The following PRMT9 variants were observed in gnomAD, a reference collection of about 807,000 sequenced individuals.
PRMT9 encodes protein arginine methyltransferase 9.
A neutral mutation model predicts 83.2 loss-of-function variants in PRMT9; 59 were observed. The observed-to-expected ratio is 0.71, with a 90% CI of 0.57 to 0.88. The LOEUF is 0.88. PRMT9 is among the 40% of genes least tolerant of loss of function. PRMT9 has a pLI of 0.00. For synonymous variants in PRMT9, 333 were observed against 353.2 expected (o/e 0.94, Z 0.64); for missense variants, 947 against 1,021.9 (o/e 0.93, Z 1.00).
chr4:147,673,209 G>T, intron 3 of PRMT9, 83 bp from the exon 4 acceptor site: 1 of 1,294,850 alleles, frequency 7.7e-7, no homozygotes, highest in Non-Finnish European at 1.1e-6. Context: ...ATGCTAAAAT[G>T]TGGGGTTTTT....
chr4:147,669,914 C>T (rs536709554), intron 5 of PRMT9, among the ~76,000 whole-genome samples: 9 of 152,272 alleles, frequency 5.9e-5, no homozygotes, highest in African/African-American at 2.2e-4. Context: ...CTGGGTTCAA[C>T]AGGTACCTGA....
intron 1 of PRMT9, among the ~76,000 whole-genome samples, chr4:147,681,401 A>T (rs1736459622): frequency 6.6e-6 from 1 of 152,216 alleles, no homozygotes; most frequent in African/African-American, 2.4e-5. Context: ...TTAGTCATTA[A>T]AACATTTTAA....
chr4:147,640,809 C>T (rs1463491295), intron 10 of PRMT9, among the ~76,000 whole-genome samples: 1 of 152,196 alleles, frequency 6.6e-6, no homozygotes, highest in Non-Finnish European at 1.5e-5. Flanking sequence ...GCAGCCTCAG[C>T]CTCTTGAGCT....
chr4:147,659,264 G>A (rs1374987484), intron 7 of PRMT9, among the ~76,000 whole-genome samples: 1 of 151,692 alleles, frequency 6.6e-6, no homozygotes, highest in Admixed American at 6.6e-5. Flanking sequence ...AGCCGCTCAT[G>A]GTGGTGGGTG....
intron 10 of PRMT9, among the ~76,000 whole-genome samples, chr4:147,642,549 T>C (rs1393087222): frequency 6.6e-6 from 1 of 152,168 alleles, no homozygotes; most frequent in African/African-American, 2.4e-5. Flanking sequence ...CAAATATCTA[T>C]AAACTTTTAT....
Position 147,673,498 on chromosome 4 carries a change from AC to A in PRMT9, c.575+139del, listed in dbSNP as rs57507658. On this transcript the variant is annotated intron_variant, in intron 3 of 11. Coordinates refer to ENST00000322396, the MANE Select transcript of PRMT9 (RefSeq NM_138364.4). ...TTCTTGATAAAAGTTATAGTAAAAA[AC>A]ATAATAGTTACATAAATAACCCTAA... 8.4e-4 allele frequency: 587 copies of A among 698,184 alleles called. 4 individuals are homozygous for A. In the African/African-American group the frequency reaches 9.6e-3, roughly 11 times the overall value. 43.2% of individuals were successfully genotyped at this position (698,184 alleles called of 1,614,324 possible).
At chr4:147,681,782 A>G (rs1396523512) in intron 1 of PRMT9, among the ~76,000 whole-genome samples, 1 of 32,510 alleles carries the variant, frequency 3.1e-5, no homozygotes, top group Non-Finnish European at 1.2e-4. Context: ...GTGAGACTCT[A>G]TAAAAAAAAA....
intron 9 of PRMT9, among the ~76,000 whole-genome samples, chr4:147,653,205 TG>T (rs975353382): frequency 6.6e-6 from 1 of 152,100 alleles, no homozygotes; most frequent in African/African-American, 2.4e-5. Context: ...CCCAGCACTT[TG>T]GGAGGTCAAG....
intron 1 of PRMT9, among the ~76,000 whole-genome samples, 181 bp downstream of exon 1, chr4:147,683,613 TTTTTC>T (rs939242999): frequency 3.3e-5 from 5 of 150,614 alleles, no homozygotes; most frequent in Non-Finnish European, 2.9e-5. Flanking sequence ...CCCTCCGCCT[TTTTTC>T]TTTTCTTTTT....
chr4:147,657,674 TTTAA>T, intron 8 of PRMT9, 114 bp downstream of exon 8: 1 of 764,918 alleles, frequency 1.3e-6, no homozygotes, highest in Admixed American at 2.4e-5. Context: ...TTCTGAAAGA[TTTAA>T]CCAACCTCCT....
chr4:147,675,698 T>C (rs1736021866), intron 2 of PRMT9, among the ~76,000 whole-genome samples: 1 of 152,178 alleles, frequency 6.6e-6, no homozygotes, highest in African/African-American at 2.4e-5. Context: ...GCATATCTCA[T>C]TGAAAGACCC....
At chr4:147,656,708 G>T (rs1734512126) in intron 8 of PRMT9, among the ~76,000 whole-genome samples, 1 of 135,400 alleles carries the variant, frequency 7.4e-6, no homozygotes, top group Non-Finnish European at 1.5e-5. Context: ...AGAGGCGGAG[G>T]TTGCAGTGAG....
chr4:147,679,494 T>A (rs535423555), intron 2 of PRMT9, among the ~76,000 whole-genome samples: 1 of 151,346 alleles, frequency 6.6e-6, no homozygotes, highest in East Asian at 1.9e-4. Context: ...ACACCTGTAA[T>A]CCCAGCAGTT....
At chr4:147,668,989 G>A (rs1735552538) in intron 5 of PRMT9, among the ~76,000 whole-genome samples, 2 of 152,096 alleles carry the variant, frequency 1.3e-5, no homozygotes, top group South Asian at 4.1e-4. Context: ...GGGAGGCTGA[G>A]GCAGGAGAAT....
rs1469922470 is a variant in PRMT9, at chr4:147,684,003, T to C, written c.-16A>G. The C allele has an allele frequency of 6.2e-7, 1 of 1,611,776 alleles. No individual in the cohort carries two copies. Among genetic ancestry groups the C allele is most frequent in the Admixed American group, 1.7e-5 (1 of 59,860 alleles). On this transcript the variant is annotated 5_prime_UTR_variant, in exon 1 of 12. It adds an upstream start codon to the 5' untranslated region. Transcript: ENST00000322396. ...AGTTCGACATGGCAGTCACCACTTGTATGGCCAAAGGGAAGATATTTTGTA... is the reference window on the plus strand; with the variant it reads ...AGTTCGACATGGCAGTCACCACTTGCATGGCCAAAGGGAAGATATTTTGTA...
chr4:147,654,811 T>A (rs757888297), intron 8 of PRMT9, among the ~76,000 whole-genome samples: 3 of 152,228 alleles, frequency 2.0e-5, no homozygotes, highest in Non-Finnish European at 4.4e-5. Context: ...TTATTGACTC[T>A]GAGACTATCA....
In PRMT9 at chr4:147,673,771, A is replaced by G; in HGVS notation, c.442T>C (p.Leu148=). ...KENFYRVANW[L]VERWHFIMLN... ...ATGATAAAGTGCCAGCGTTCCACCAACCAGTTTGCAACACGATAAAAATTC... is the reference window on the plus strand; with the variant it reads ...ATGATAAAGTGCCAGCGTTCCACCAGCCAGTTTGCAACACGATAAAAATTC... The change falls in exon 3 of 12, where the codon TTG becomes CTG. Residue 148 remains leucine (L), a synonymous_variant. Transcript: ENST00000322396. 6.2e-7 allele frequency: 1 copy of G among 1,614,112 alleles called. No homozygotes were observed. Among genetic ancestry groups the G allele is most frequent in the South Asian group, 1.1e-5 (1 of 91,076 alleles).
chr4:147,645,852 T>C (rs1578879588), intron 9 of PRMT9, among the ~76,000 whole-genome samples: 1 of 152,182 alleles, frequency 6.6e-6, no homozygotes, highest in Non-Finnish European at 1.5e-5. Context: ...CTGATAAAGA[T>C]AAGTCATGTT....
Position 147,638,177 on chromosome 4 carries a change from C to T in PRMT9, c.*355G>A. ...GAAGCCTTTCAGTGTTTCCCAATTA[C>T]AAGTTTGGATTTAAGAAAAAAGGCC... On this transcript the variant is annotated 3_prime_UTR_variant, in exon 12 of 12. Transcript: ENST00000322396. 3.7e-6 allele frequency: 1 copy of T among 270,946 alleles called. No individual in the cohort carries two copies. Among genetic ancestry groups the T allele is most frequent in the South Asian group, 4.1e-5 (1 of 24,498 alleles). 16.8% of individuals were successfully genotyped at this position (270,946 alleles called of 1,614,324 possible). A position where few individuals can be genotyped will look rare whatever the true frequency, so the allele number is the denominator to read the frequency against.
Sources: allele counts gnomAD v4.1 joint callset (sites outside exome capture counted in the v4.1 genomes callset), GRCh38; gene constraint gnomAD v4.1.1; transcripts MANE v1.5; gene names NCBI Gene and HGNC (gene_info 2026-07-23, HGNC 2026-07-21).